The following GRAP2 variants were observed in gnomAD, a reference collection of about 807,000 sequenced individuals.
The protein encoded by GRAP2 is GRB2-related adapter protein 2.
In GRAP2, 31 loss-of-function variants were observed where a neutral mutation model predicts 43.5. The ratio of observed to expected loss-of-function variants is 0.71; its 90% CI spans 0.54 to 0.96. GRAP2 has a LOEUF of 0.96. Among genes scored for constraint, GRAP2 ranks in the 40% least tolerant of loss-of-function variants. The pLI is 0.00. For synonymous variants in GRAP2, 156 were observed against 164.8 expected, an observed-to-expected ratio of 0.95 and a Z score of 0.41; for missense variants, 371 against 424.4, an observed-to-expected ratio of 0.87 and a Z score of 1.11.
At chr22:39,942,883 T>C (rs1894576453) in intron 1 of GRAP2, among the ~76,000 whole-genome samples, 1 of 152,198 alleles carries the variant, frequency 6.6e-6, no homozygotes, top group African/African-American at 2.4e-5. Context: ...CCCTCTCTTT[T>C]TAAAAAATTT....
chr22:39,913,517 A>G (rs1265023203), intron 1 of GRAP2, among the ~76,000 whole-genome samples: 1 of 152,164 alleles, frequency 6.6e-6, no homozygotes, highest in East Asian at 1.9e-4. Context: ...GAGTCAGCCA[A>G]GTGTTCAACT....
intron 7 of GRAP2, 109 bp downstream of exon 7, chr22:39,969,642 G>C (rs4820393): frequency 1.0e-4 from 124 of 1,202,346 alleles, no homozygotes; most frequent in Non-Finnish European, 1.4e-4. Context: ...GGCTGGGCAC[G>C]GTGGCTCACA....
At chr22:39,967,996 A>G (rs1203127165) in intron 5 of GRAP2, 46 bp from the exon 6 acceptor site, 2 of 1,586,470 alleles carry the variant, frequency 1.3e-6, no homozygotes, top group Non-Finnish European at 1.7e-6. Context: ...GGGCCAGACG[A>G]TCAGAGAGGA....
intron 1 of GRAP2, among the ~76,000 whole-genome samples, chr22:39,928,609 C>T (rs2066727591): frequency 6.6e-6 from 1 of 152,208 alleles, no homozygotes; most frequent in Non-Finnish European, 1.5e-5. Context: ...ATTGGAGTCA[C>T]CCATCTGAAT....
intron 6 of GRAP2, 134 bp from the exon 7 acceptor site, chr22:39,969,277 G>A: frequency 9.9e-7 from 1 of 1,007,590 alleles, no homozygotes; most frequent in Non-Finnish European, 1.5e-6. Context: ...TCAACGTGGA[G>A]GGTTTATTGT....
rs552183977 is a variant in GRAP2 at position 39,969,631 on chromosome 22, T to C, written c.813+98T>C. 1.6e-4 allele frequency: 212 copies of C among 1,353,308 alleles called. No homozygotes were observed. The African/African-American group carries it at 2.8e-3, about 18-fold the overall frequency. The allele number at this position is 1,353,308 out of a possible 1,614,324, so 83.8% of individuals were successfully genotyped here. ...AGGAGAGACTCAAACCACACAGATC[T>C]GGCTGGGCACGGTGGCTCACACCTG... On this transcript the variant is annotated intron_variant, in intron 7 of 7. Transcript: ENST00000344138.
intron 4 of GRAP2, among the ~76,000 whole-genome samples, chr22:39,965,462 A>G (rs1157607023): frequency 5.3e-5 from 8 of 152,252 alleles, no homozygotes; most frequent in African/African-American, 1.9e-4. Context: ...AACCTTATTT[A>G]TGCAAAACAT....
chr22:39,940,245 G>A (rs779007100), intron 1 of GRAP2, among the ~76,000 whole-genome samples: 3 of 152,156 alleles, frequency 2.0e-5, no homozygotes, highest in Non-Finnish European at 4.4e-5. Flanking sequence ...AACATGACCA[G>A]CTGATTAACA....
At chr22:39,927,004 G>A (rs1483797422) in intron 1 of GRAP2, among the ~76,000 whole-genome samples, 4 of 152,202 alleles carry the variant, frequency 2.6e-5, no homozygotes, top group Non-Finnish European at 2.9e-5. Flanking sequence ...GGCTTTCTGA[G>A]GTGGAATGCA....
At chr22:39,922,067 T>C (rs1051031224) in intron 1 of GRAP2, among the ~76,000 whole-genome samples, 10 of 152,242 alleles carry the variant, frequency 6.6e-5, no homozygotes, top group Admixed American at 5.9e-4. Context: ...CCATAGGTCA[T>C]TCATTCATTA....
At chr22:39,950,002 C>T (rs2066965185) in intron 2 of GRAP2, among the ~76,000 whole-genome samples, 1 of 152,196 alleles carries the variant, frequency 6.6e-6, no homozygotes, top group Non-Finnish European at 1.5e-5. Context: ...AAACATCTGG[C>T]CCCAAACCAC....
At chr22:39,947,286 T>G (rs1459195551) in intron 2 of GRAP2, 102 bp downstream of exon 2, 1 of 763,418 alleles carries the variant, frequency 1.3e-6, no homozygotes, top group African/African-American at 1.7e-5. Flanking sequence ...TGGTTCCTTT[T>G]AAAAAGAGAA....
chr22:39,909,771 A>G (rs2066546865), intron 1 of GRAP2, among the ~76,000 whole-genome samples: 1 of 152,218 alleles, frequency 6.6e-6, no homozygotes, highest in Admixed American at 6.5e-5. Flanking sequence ...GATTTTTAGA[A>G]AGAACTTCTT....
chr22:39,930,172 G>A lies in GRAP2; in HGVS notation c.-14-16921G>A, dbSNP rs141448524. 1.8e-4 allele frequency among the ~76,000 whole-genome samples: 27 copies of A among 152,206 alleles called. No homozygotes were observed. The East Asian group carries it at 2.9e-3, about 16-fold the overall frequency. On this transcript the variant is annotated intron_variant, in intron 1 of 7. Coordinates refer to ENST00000344138, the MANE Select transcript of GRAP2 (RefSeq NM_004810.4). ...AAAGTGCCACCAAAATATTTAAAAT[G>A]GCATAATGGCTGGCATTTGTGACTT...
rs370853756 is a variant in GRAP2, at chr22:39,968,042, G to C, written c.460G>C (p.Gly154Arg). The change falls in exon 6 of 8, where the codon GGT (glycine) becomes CGT (arginine). Residue 154 changes from glycine to arginine, a missense_variant and splice_region_variant. Gly to Arg is a moderately radical substitution (Grantham distance 125, BLOSUM62 -2). Transcript: ENST00000344138. ...FLRDRTREDQ[G>R]HRGNSLDRRS... Reference sequence around the variant, plus strand: ...GCAGCATCTCTGTTCTTTCTCCCAGGGTCACCGGGGCAACAGCCTGGACCG... The same window carrying C: ...GCAGCATCTCTGTTCTTTCTCCCAGCGTCACCGGGGCAACAGCCTGGACCG... The C allele has an allele frequency of 6.2e-7, 1 of 1,612,128 alleles. No homozygotes were observed. Among genetic ancestry groups the C allele is most frequent in the Non-Finnish European group, 8.5e-7 (1 of 1,178,802 alleles).
At chr22:39,896,167 G>T (rs1222459313), upstream of GRAP2, among the ~76,000 whole-genome samples, 1 of 152,132 alleles carries the variant, frequency 6.6e-6, no homozygotes, top group Non-Finnish European at 1.5e-5. Context: ...AGAGTAGATT[G>T]GAAGCAGAGG....
intron 1 of GRAP2, among the ~76,000 whole-genome samples, chr22:39,920,543 C>G (rs1443208049): frequency 6.6e-6 from 1 of 152,186 alleles, no homozygotes; most frequent in African/African-American, 2.4e-5. Flanking sequence ...TGCTGCCCAT[C>G]AGATGAGTGT....
intron 1 of GRAP2, among the ~76,000 whole-genome samples, chr22:39,944,529 G>A (rs1345897595): frequency 6.6e-6 from 1 of 152,206 alleles, no homozygotes; most frequent in Non-Finnish European, 1.5e-5. Context: ...TAAAGAGTGG[G>A]CCTGTTTAGT....
rs1241941085 is a variant in GRAP2 at position 39,971,996 on chromosome 22, A to T, written c.*912A>T. ...TCCCTCTTGATTTTCTCTTTTGAAG[A>T]TGCCTTGCCCAGTGGCATGGAAAGA... On this transcript the variant is annotated 3_prime_UTR_variant, in exon 8 of 8. Coordinates refer to ENST00000344138, the MANE Select transcript of GRAP2 (RefSeq NM_004810.4). 1 of 152,250 alleles carries T rather than the reference A, an allele frequency of 6.6e-6. No homozygotes were observed. The highest frequency in any genetic ancestry group is 1.5e-5 in the Non-Finnish European group (1 of 68,066). 9.4% of individuals were successfully genotyped at this position (152,250 alleles called of 1,614,324 possible).
Sources: allele counts gnomAD v4.1 joint callset (sites outside exome capture counted in the v4.1 genomes callset), GRCh38; gene constraint gnomAD v4.1.1; transcripts MANE v1.5; gene names NCBI Gene and HGNC (gene_info 2026-07-23, HGNC 2026-07-21).